The following UBXN11 variants were observed in gnomAD, a reference collection of about 807,000 sequenced individuals.
UBXN11 encodes UBX domain-containing protein 11.
In UBXN11, 47 loss-of-function variants were observed where a neutral mutation model predicts 62.8. The ratio of observed to expected loss-of-function variants is 0.75; its 90% confidence interval spans 0.59 to 0.95. UBXN11 has a LOEUF of 0.95. Ranked by LOEUF, UBXN11 falls within the 40% of genes least tolerant of loss-of-function variation. The pLI is 0.00. For missense variants in UBXN11, 638 were observed against 661.7 expected (o/e 0.96, Z 0.39); for synonymous variants, 294 against 267.0 (o/e 1.10, Z -0.99).
In UBXN11 at chr1:26,282,447, C is replaced by G. The variant is rs780262736; in HGVS notation, c.1415G>C (p.Arg472Pro). ...VPKAALLLRA[R>P]RAPKSSLKFS... ...TTTCAGGCTGGACTTCGGGGCTCGG[C>G]GTGCCCGCAGCAGCAGTGCTGCTTT... is the stretch of plus-strand genomic sequence containing the variant. Residue 472 changes from arginine (R) to proline (P), a missense_variant, in exon 15 of 15, where the codon CGC becomes CCC. By Grantham distance (103) the Arg-to-Pro change is moderately radical (BLOSUM62 -2). Coordinates refer to ENST00000374222, the MANE Select transcript of UBXN11 (RefSeq NM_001389556.1). 6.8e-6 allele frequency: 11 copies of G among 1,611,290 alleles called. 1 individual carries two copies. In the Admixed American group the frequency reaches 1.3e-4, roughly 20 times the overall value.
chr1:26,287,850 G>C (rs2073167171), intron 8 of UBXN11, among the ~76,000 whole-genome samples: 1 of 151,290 alleles, frequency 6.6e-6, no homozygotes. Flanking sequence ...AGGACAAATA[G>C]GCAAACCTAA....
chr1:26,283,901 G>T (rs1238694132), intron 12 of UBXN11, among the ~76,000 whole-genome samples: 1 of 152,192 alleles, frequency 6.6e-6, no homozygotes, highest in Non-Finnish European at 1.5e-5. Flanking sequence ...TGGGCCTTGG[G>T]CTCACCCCTG....
chr1:26,309,234 C>T (rs189797544), upstream of UBXN11, among the ~76,000 whole-genome samples: 1,282 of 98,290 alleles, frequency 0.013, 14 homozygotes, highest in Middle Eastern at 0.054. Flanking sequence ...CGCCCTGTCC[C>T]GAGTCAATTG....
At chr1:26,296,154 C>T (rs2073387040) in intron 7 of UBXN11, among the ~76,000 whole-genome samples, 1 of 152,196 alleles carries the variant, frequency 6.6e-6, no homozygotes, top group African/African-American at 2.4e-5. Context: ...GCCTGGGACC[C>T]TTCTCTGTGC....
At chr1:26,283,482 A>G (rs1363362140) in intron 12 of UBXN11, among the ~76,000 whole-genome samples, 2 of 152,306 alleles carry the variant, frequency 1.3e-5, no homozygotes, top group East Asian at 1.9e-4. Context: ...GAGTGCCAGC[A>G]TAAGGAACCT....
chr1:26,289,348 T>G (rs1232807425), intron 8 of UBXN11, among the ~76,000 whole-genome samples: 6 of 151,838 alleles, frequency 4.0e-5, no homozygotes, highest in Admixed American at 3.3e-4. Flanking sequence ...CACCCCTACC[T>G]CCTCCAAGAA....
At chr1:26,294,102 G>A (rs930005276) in intron 8 of UBXN11, 103 bp downstream of exon 8, 5 of 1,518,360 alleles carry the variant, frequency 3.3e-6, no homozygotes, top group African/African-American at 2.8e-5. Context: ...TTGGGTCAGG[G>A]ACCCGGGCAC....
chr1:26,303,761 C>T (rs2073596497), intron 1 of UBXN11, among the ~76,000 whole-genome samples: 1 of 151,870 alleles, frequency 6.6e-6, no homozygotes, highest in Admixed American at 6.6e-5. Flanking sequence ...AGTACTGGCA[C>T]AGGCAGGGTT....
intron 13 of UBXN11, 30 bp from the exon 14 acceptor site, chr1:26,282,819 G>C (rs2073031714): frequency 6.2e-7 from 1 of 1,614,048 alleles, no homozygotes; most frequent in Admixed American, 1.7e-5. Context: ...TCAGCACGCG[G>C]TGACCCAACG....
At chr1:26,318,305 G>C (rs542119765) in exon 1 of UBXN11, 2 of 530,976 alleles carry the variant, frequency 3.8e-6, no homozygotes, top group Non-Finnish European at 6.8e-6. Flanking sequence ...ATCCACAGCT[G>C]GGGAGCACTT....
At chr1:26,301,315 C>G (rs1217001826) in intron 3 of UBXN11, among the ~76,000 whole-genome samples, 1 of 152,002 alleles carries the variant, frequency 6.6e-6, no homozygotes, top group East Asian at 1.9e-4. Flanking sequence ...AATGTGTGGA[C>G]AGGCCTCCCG....
intron 1 of UBXN11, among the ~76,000 whole-genome samples, chr1:26,314,075 C>T (rs183720714): frequency 8.5e-4 from 130 of 152,226 alleles, no homozygotes; most frequent in Non-Finnish European, 1.5e-3. Context: ...CCACCGCGCC[C>T]GGCCGGTTCT....
chr1:26,318,289 A>G (rs2073818743), exon 1 of UBXN11: 1 of 550,978 alleles, frequency 1.8e-6, no homozygotes, highest in Non-Finnish European at 3.3e-6. Flanking sequence ...CCTGAGAGAA[A>G]CCTGTATCCA....
At chr1:26,303,287 AG>A (rs969746833) in intron 1 of UBXN11, 2 of 158,580 alleles carry the variant, frequency 1.3e-5, no homozygotes, top group African/African-American at 4.8e-5. Context: ...GGTGACACAA[AG>A]CCCAAGTATC....
At chr1:26,301,798 C>A in intron 2 of UBXN11, 76 bp from the exon 3 acceptor site, 2 of 1,576,484 alleles carry the variant, frequency 1.3e-6, no homozygotes, top group South Asian at 1.1e-5. Flanking sequence ...AGGCTCTGGG[C>A]ACCGGACTTC....
chr1:26,290,454 G>C (rs968127480), intron 8 of UBXN11, among the ~76,000 whole-genome samples: 8 of 152,226 alleles, frequency 5.3e-5, no homozygotes, highest in African/African-American at 1.9e-4. Flanking sequence ...AGGGCAGTCA[G>C]AGTTTGCTGG....
chr1:26,282,818 G>A (rs370592440), intron 13 of UBXN11, 29 bp from the exon 14 acceptor site: 133 of 1,613,910 alleles, frequency 8.2e-5, no homozygotes, highest in Middle Eastern at 1.6e-4. Context: ...ATCAGCACGC[G>A]GTGACCCAAC....
intron 4 of UBXN11, among the ~76,000 whole-genome samples, chr1:26,299,003 A>G (rs2073463061): frequency 6.6e-6 from 1 of 152,144 alleles, no homozygotes; most frequent in Non-Finnish European, 1.5e-5. Context: ...TCACTGAATT[A>G]ACACCCCTGG....
At chr1:26,298,901 C>T (rs1360904805) in intron 4 of UBXN11, among the ~76,000 whole-genome samples, 7 of 151,940 alleles carry the variant, frequency 4.6e-5, no homozygotes, top group Non-Finnish European at 8.8e-5. Flanking sequence ...GCAGGAACCG[C>T]GGCCATCATC....
Sources: allele counts gnomAD v4.1 joint callset (sites outside exome capture counted in the v4.1 genomes callset), GRCh38; gene constraint gnomAD v4.1.1; transcripts MANE v1.5; gene names NCBI Gene and HGNC (gene_info 2026-07-23, HGNC 2026-07-21).